The following SLC2A4RG variants were observed in gnomAD, a reference collection of about 807,000 sequenced individuals.
SLC2A4RG encodes GLUT4 enhancer factor.
In SLC2A4RG, 23 loss-of-function variants were observed where a neutral mutation model predicts 35.5. The observed-to-expected ratio is 0.65, with a 90% confidence interval of 0.47 to 0.92. SLC2A4RG has a LOEUF of 0.92. Ranked by LOEUF, SLC2A4RG falls within the 40% of genes least tolerant of loss-of-function variation. The pLI, the probability that SLC2A4RG is intolerant of heterozygous loss-of-function variation, is 0.00. For missense variants in SLC2A4RG, 539 were observed against 525.0 expected, an observed-to-expected ratio of 1.03 and a Z score of -0.26; for synonymous variants, 306 against 243.7, an observed-to-expected ratio of 1.26 and a Z score of -2.38.
chr20:63,740,697 C>G (rs1384520030), intron 2 of SLC2A4RG, among the ~76,000 whole-genome samples, 166 bp downstream of exon 2: 1 of 152,210 alleles, frequency 6.6e-6, no homozygotes, highest in African/African-American at 2.4e-5. Context: ...TGATCGATGA[C>G]TGGGAGTCCC....
In SLC2A4RG at chr20:63,742,224, A is replaced by ACCTGGGGTGCGGCGGGG; in HGVS notation, c.680+16_680+32dup. ...ATGCAGAGACACATCCGCCTGGTGC[A>ACCTGGGGTGCGGCGGGG]CCTGGGGTGCGGCGGGGCCTGGGGT... On this transcript the variant is annotated frameshift_variant, in exon 5 of 8. Transcript: ENST00000266077. LOFTEE classifies it high-confidence loss of function. 1.7e-4 allele frequency: 273 copies of ACCTGGGGTGCGGCGGGG among 1,595,776 alleles called. 1 individual carries two copies. Among genetic ancestry groups the ACCTGGGGTGCGGCGGGG allele is most frequent in the South Asian group, 1.6e-3 (141 of 89,084 alleles).
In SLC2A4RG at chr20:63,740,052, G is replaced by A. The variant is rs574993913; in HGVS notation, c.126+14G>A. On this transcript the variant is annotated intron_variant, in intron 1 of 7. Transcript: ENST00000266077. ...ACGCCGCCGCAGGTACCGGGCGCCG[G>A]TGGGCGGGGGCGCCGACCAAGTTTC... 9.1e-4 allele frequency: 886 copies of A among 971,426 alleles called. 3 individuals carry two copies. Among genetic ancestry groups the A allele is most frequent in the South Asian group, 6.3e-3 (136 of 21,440 alleles). 60.2% of individuals were successfully genotyped at this position (971,426 alleles called of 1,614,324 possible). A position where few individuals can be genotyped will look rare whatever the true frequency, so the allele number is the denominator to read the frequency against.
chr20:63,741,608 C>T (rs1040973973), intron 3 of SLC2A4RG, 129 bp downstream of exon 3: 5 of 1,089,500 alleles, frequency 4.6e-6, no homozygotes, highest in Non-Finnish European at 6.5e-6. Context: ...ACTCCCGCAC[C>T]CTCAGTGCCC....
rs779749018 is a variant in SLC2A4RG, at chr20:63,742,894, C to G, written c.1068C>G (p.Asp356Glu). 6 of 1,611,724 alleles carry G rather than the reference C, an allele frequency of 3.7e-6. No individual in the cohort carries two copies. The highest frequency in any genetic ancestry group is 5.1e-6 in the Non-Finnish European group (6 of 1,179,332). Residue 356 changes from aspartate to glutamate, a missense_variant, in exon 8 of 8, where the codon GAC becomes GAG. Transcript: ENST00000266077. ...CCCCGCACAGGAAGCCCCGCGGCGA[C>G]GCGAAGAAGTGCCGGAAGGTGTATG... ...IGVTLRKPRG[D>E]AKKCRKVYGM... is the part of the protein sequence containing the mutation.
At position 63,742,452 on chromosome 20, in the gene SLC2A4RG, C is replaced by T. The variant is rs150248950; in HGVS notation, c.797C>T (p.Thr266Met). The change falls in exon 6 of 8, where the codon ACG becomes ATG. Residue 266 changes from threonine (T) to methionine (M), a missense_variant. Thr to Met is a moderately conservative substitution (Grantham distance 81). Coordinates refer to ENST00000266077, the MANE Select transcript of SLC2A4RG (RefSeq NM_020062.4). ...TCCAGCCTGACTCCAGTGTCCCCCA[C>T]GGCCTCCATGCCGCCTGCCTTCCCC... ...GLSSLTPVSPTASMPPAFPRL... is the reference protein window; with the variant it reads ...GLSSLTPVSPMASMPPAFPRL... 3.6e-5 allele frequency: 57 copies of T among 1,600,374 alleles called. No homozygotes were observed. Among genetic ancestry groups the T allele is most frequent in the Middle Eastern group, 1.9e-4 (1 of 5,328 alleles).
chr20:63,741,856 C>T lies in SLC2A4RG; in HGVS notation c.392-13C>T, dbSNP rs746124793. The T allele has an allele frequency of 3.8e-5, 60 of 1,572,858 alleles. No individual in the cohort carries two copies. Among genetic ancestry groups the T allele is most frequent in the Non-Finnish European group, 4.7e-5 (55 of 1,160,330 alleles). ...ACCCGAAGTTCTAAGGCGGGGGGCC[C>T]GTGTCCCCACAGAGCCTGGCCTGGA... On this transcript the variant is annotated splice_polypyrimidine_tract_variant and intron_variant, in intron 3 of 7. Transcript: ENST00000266077.
In SLC2A4RG at chr20:63,743,730, C is replaced by T. The variant is rs1444904283; in HGVS notation, c.*740C>T. ...GCTTTGCAAGGATGTCTAAGCTAAT[C>T]CCGTCACAGAAAGGAAACGCACAGG... On this transcript the variant is annotated 3_prime_UTR_variant, in exon 8 of 8. Transcript: ENST00000266077. 6.6e-6 allele frequency: 1 copy of T among 152,402 alleles called. No individual in the cohort carries two copies. The highest frequency in any genetic ancestry group is 1.5e-5 in the Non-Finnish European group (1 of 68,058). 9.4% of individuals were successfully genotyped at this position (152,402 alleles called of 1,614,324 possible).
intron 6 of SLC2A4RG, 33 bp from the exon 7 acceptor site, chr20:63,742,666 G>A: frequency 1.3e-6 from 2 of 1,592,840 alleles, no homozygotes; most frequent in Non-Finnish European, 1.7e-6. Flanking sequence ...GCTCTCTGGA[G>A]GGGAGTGAAG....
In SLC2A4RG at chr20:63,742,062, C is replaced by G; in HGVS notation, c.579+6C>G. ...CCACCCTGAGAAAAAGGAAGGTGAG[C>G]TTGGGGGCGGCCCCCAGGGAGGGGC... On this transcript the variant is annotated splice_donor_region_variant and intron_variant, in intron 4 of 7. Coordinates refer to ENST00000266077, the MANE Select transcript of SLC2A4RG (RefSeq NM_020062.4). 6.2e-7 allele frequency: 1 copy of G among 1,611,552 alleles called. No homozygotes were observed. The highest frequency in any genetic ancestry group is 8.5e-7 in the Non-Finnish European group (1 of 1,178,668).
intron 2 of SLC2A4RG, 134 bp downstream of exon 2, chr20:63,740,665 C>A: frequency 1.1e-6 from 1 of 900,064 alleles, no homozygotes; most frequent in Non-Finnish European, 1.5e-6. Context: ...AGCTCTTCAG[C>A]CCTGGAGGAG....
chr20:63,742,522 TCCCCTGCGGCCGCCTGCCCCG>T lies in SLC2A4RG; in HGVS notation c.875_895del (p.Arg292_Leu298del). ...TGCTGGAGCCCCCAGCCCTGCCTAG[TCCCCTGCGGCCGCCTGCCCCG>T]CCCCTGCCCCCGCCCCCTGTCCTGA... On this transcript the variant is annotated inframe_deletion, in exon 6 of 8. Coordinates refer to ENST00000266077, the MANE Select transcript of SLC2A4RG (RefSeq NM_020062.4). 1.3e-6 allele frequency: 2 copies of T among 1,561,768 alleles called. No homozygotes were observed. The highest frequency in any genetic ancestry group is 1.7e-6 in the Non-Finnish European group (2 of 1,153,670).
chr20:63,741,176 C>A, intron 2 of SLC2A4RG, 194 bp from the exon 3 acceptor site: 1 of 594,528 alleles, frequency 1.7e-6, no homozygotes, highest in Non-Finnish European at 3.0e-6. Context: ...GAGACCCTGG[C>A]CCTGCTCCTG....
In SLC2A4RG at chr20:63,742,529, C is replaced by A. The variant is rs761270964; in HGVS notation, c.874C>A (p.Arg292=). The A allele has an allele frequency of 1.9e-6, 3 of 1,560,092 alleles. No individual in the cohort carries two copies. The highest frequency in any genetic ancestry group is 2.6e-6 in the Non-Finnish European group (3 of 1,152,372). The change falls in exon 6 of 8, where the codon CGG becomes AGG. Residue 292 remains arginine (R), a synonymous_variant. Transcript: ENST00000266077. ...LEPPALPSPL[R]PPAPPLPPPP... is the part of the protein sequence containing the mutation. ...GCCCCCAGCCCTGCCTAGTCCCCTG[C>A]GGCCGCCTGCCCCGCCCCTGCCCCC...
At position 63,742,409 on chromosome 20, in the gene SLC2A4RG, A is replaced by T; in HGVS notation, c.754A>T (p.Thr252Ser). 1 of 1,610,656 alleles carries T rather than the reference A, an allele frequency of 6.2e-7. No homozygotes were observed. Among genetic ancestry groups the T allele is most frequent in the Non-Finnish European group, 8.5e-7 (1 of 1,179,154 alleles). ...CACAGAGCTGGATGTTGGTGTGGAC[A>T]CGCTGACCGACGGGCTGTCCAGCCT... ...YYTELDVGVDTLTDGLSSLTP... is the reference protein window; with the variant it reads ...YYTELDVGVDSLTDGLSSLTP... The change falls in exon 6 of 8, where the codon ACG (threonine) becomes TCG (serine). Residue 252 changes from threonine to serine, a missense_variant. Transcript: ENST00000266077.
intron 3 of SLC2A4RG, 112 bp from the exon 4 acceptor site, chr20:63,741,757 C>T (rs1479463167): frequency 2.3e-5 from 33 of 1,443,492 alleles, no homozygotes; most frequent in Non-Finnish European, 3.0e-5. Context: ...CCAGCTCCTC[C>T]AAGACGCTCT....
rs560371422 is a variant in SLC2A4RG at position 63,740,636 on chromosome 20, T to G, written c.281+105T>G. 5.4e-6 allele frequency: 6 copies of G among 1,117,356 alleles called. No homozygotes were observed. The South Asian group carries it at 2.3e-4, about 44-fold the overall frequency. 69.2% of individuals were successfully genotyped at this position (1,117,356 alleles called of 1,614,324 possible). A position where few individuals can be genotyped will look rare whatever the true frequency, so the allele number is the denominator to read the frequency against. On this transcript the variant is annotated intron_variant, in intron 2 of 7. Coordinates refer to ENST00000266077, the MANE Select transcript of SLC2A4RG (RefSeq NM_020062.4). The stretch of plus-strand genomic sequence containing the variant: ...AGGCCAGGTCAGGGCCCCAGGTTTG[T>G]AATTACCAGCCACCCCCAAGCTCTT...
Position 63,741,452 on chromosome 20 carries a change from G to C in SLC2A4RG, c.364G>C (p.Gly122Arg), listed in dbSNP as rs746862083. 5 of 1,613,460 alleles carry C rather than the reference G, an allele frequency of 3.1e-6. No homozygotes were observed. The highest frequency in any genetic ancestry group is 3.4e-6 in the Non-Finnish European group (4 of 1,179,906). The change falls in exon 3 of 8, where the codon GGG becomes CGG. Residue 122 changes from glycine to arginine, a missense_variant. Coordinates refer to ENST00000266077, the MANE Select transcript of SLC2A4RG (RefSeq NM_020062.4). ...CCTGTCCACCAGCCCTCTCCTTCTGGGGGCCCCGGTTGCAGCCTTCAGCCC... is the reference window on the plus strand; with the variant it reads ...CCTGTCCACCAGCCCTCTCCTTCTGCGGGCCCCGGTTGCAGCCTTCAGCCC... ...TSLSTSPLLL[G>R]APVAAFSPEP...
rs145495342 is a variant in SLC2A4RG at position 63,742,197 on chromosome 20, C to T, written c.647C>T (p.Ala216Val). ...GGGAAGGTGCTGAGCACGGCGTCGG[C>T]GATGCAGAGACACATCCGCCTGGTG... is the stretch of plus-strand genomic sequence containing the variant. ...SCGKVLSTAS[A>V]MQRHIRLVHL... Residue 216 changes from alanine to valine, a missense_variant, in exon 5 of 8, where the codon GCG becomes GTG. Transcript: ENST00000266077. 43 of 1,599,998 alleles carry T rather than the reference C, an allele frequency of 2.7e-5. 1 individual carries two copies. The highest frequency in any genetic ancestry group is 1.9e-4 in the South Asian group (17 of 89,498).
intron 3 of SLC2A4RG, among the ~76,000 whole-genome samples, 189 bp from the exon 4 acceptor site, chr20:63,741,680 C>T (rs1272142876): frequency 2.0e-5 from 3 of 152,234 alleles, no homozygotes; most frequent in Admixed American, 6.5e-5. Context: ...CTCACCTCCA[C>T]GCGGCTGGCC....
Sources: allele counts gnomAD v4.1 joint callset (sites outside exome capture counted in the v4.1 genomes callset), GRCh38; gene constraint gnomAD v4.1.1; transcripts MANE v1.5; gene names NCBI Gene and HGNC (gene_info 2026-07-23, HGNC 2026-07-21).